The following GMDS variants were observed in gnomAD, a reference collection of about 807,000 sequenced individuals.
GMDS encodes the protein GDP-mannose 4,6 dehydratase.
Under a neutral mutation model 49.9 loss-of-function variants are expected in GMDS, and 20 were observed. The observed-to-expected ratio is 0.40, with a 90% CI of 0.28 to 0.58. GMDS has a LOEUF of 0.58. GMDS is among the 20% of genes least tolerant of loss of function. GMDS has a pLI of 0.42. For synonymous variants in GMDS, 177 were observed against 178.6 expected (o/e 0.99, Z 0.07); for missense variants, 362 against 481.4 (o/e 0.75, Z 2.32).
chr6:2,168,523 A>G (rs1488104520), intron 1 of GMDS, among the ~76,000 whole-genome samples: 1 of 152,330 alleles, frequency 6.6e-6, no homozygotes, highest in East Asian at 1.9e-4. Flanking sequence ...AATAACTAAG[A>G]CAGTGTATTT....
intron 8 of GMDS, among the ~76,000 whole-genome samples, chr6:1,740,821 C>A (rs142517668): frequency 2.2e-4 from 33 of 152,164 alleles, no homozygotes; most frequent in African/African-American, 7.7e-4. Context: ...TTTTCCAACT[C>A]CCCATATTAT....
At chr6:1,810,532 C>T (rs1770373978) in intron 7 of GMDS, among the ~76,000 whole-genome samples, 1 of 152,238 alleles carries the variant, frequency 6.6e-6, no homozygotes, top group South Asian at 2.1e-4. Context: ...ATCCACCTGC[C>T]TCGGCCTCCC....
At chr6:1,781,312 T>C (rs1010894841) in intron 7 of GMDS, among the ~76,000 whole-genome samples, 1 of 152,190 alleles carries the variant, frequency 6.6e-6, no homozygotes, top group Admixed American at 6.5e-5. Context: ...TGGGCTGTGT[T>C]CCTGCTGCTG....
rs115280114 is a variant in GMDS, at chr6:2,190,955, C to T, written c.102+54366G>A. Among the ~76,000 whole-genome samples the T allele has an allele frequency of 5.7e-3, 874 of 152,188 alleles. 2 individuals carry two copies. The highest frequency in any genetic ancestry group is 0.017 in the Middle Eastern group (5 of 294). On this transcript the variant is annotated intron_variant, in intron 1 of 10. Coordinates refer to ENST00000380815, the MANE Select transcript of GMDS (RefSeq NM_001500.4). ...CCCAGGCCTGGAACATCAGTGGCTCCGGACCCTAGCCCCACACCACCACTC... is the reference window on the plus strand; with the variant it reads ...CCCAGGCCTGGAACATCAGTGGCTCTGGACCCTAGCCCCACACCACCACTC...
intron 1 of GMDS, among the ~76,000 whole-genome samples, chr6:2,227,162 G>A (rs948869699): frequency 1.3e-5 from 2 of 151,758 alleles, no homozygotes; most frequent in African/African-American, 4.8e-5. Context: ...CTGAATAAAT[G>A]TTAAGGAAAA....
chr6:1,631,647 C>A (rs1006425772), intron 9 of GMDS, among the ~76,000 whole-genome samples: 2 of 151,994 alleles, frequency 1.3e-5, no homozygotes, highest in African/African-American at 4.8e-5. Flanking sequence ...TTCCTTCCTC[C>A]CTCCCTCCCT....
intron 7 of GMDS, among the ~76,000 whole-genome samples, chr6:1,870,788 T>G (rs561202612): frequency 2.0e-5 from 3 of 152,254 alleles, no homozygotes; most frequent in African/African-American, 7.2e-5. Context: ...TAAGCCATAT[T>G]AAGAGAGTAA....
chr6:1,716,096 C>T (rs565342922), intron 9 of GMDS, among the ~76,000 whole-genome samples: 6 of 152,178 alleles, frequency 3.9e-5, no homozygotes, highest in African/African-American at 7.2e-5. Context: ...TCATTCTCAA[C>T]AAAATCCCTG....
chr6:1,785,776 G>A (rs1333780874), intron 7 of GMDS, among the ~76,000 whole-genome samples: 4 of 152,236 alleles, frequency 2.6e-5, no homozygotes, highest in Admixed American at 6.5e-5. Context: ...CAATGTGGTC[G>A]TATTTAGAGC....
intron 1 of GMDS, among the ~76,000 whole-genome samples, chr6:2,195,967 T>C (rs1370722956): frequency 6.6e-6 from 1 of 152,060 alleles, no homozygotes; most frequent in Non-Finnish European, 1.5e-5. Flanking sequence ...TATACATATA[T>C]AAGTAAATAA....
In GMDS at chr6:1,817,794, G is replaced by T. The variant is rs142877219; in HGVS notation, c.772-75208C>A. On this transcript the variant is annotated intron_variant, in intron 7 of 10. Coordinates refer to ENST00000380815, the MANE Select transcript of GMDS (RefSeq NM_001500.4). Reference sequence around the variant, plus strand: ...ACCTGACTCTCTCAATACTTCAAGGGTCTGCACCCTAGGACGGAGGTAAAA... The same window carrying T: ...ACCTGACTCTCTCAATACTTCAAGGTTCTGCACCCTAGGACGGAGGTAAAA... Among the ~76,000 whole-genome samples, 1,031 of 152,238 alleles carry T rather than the reference G, an allele frequency of 6.8e-3. 10 individuals are homozygous for T. Among genetic ancestry groups the T allele is most frequent in the African/African-American group, 0.024 (984 of 41,526 alleles).
At chr6:1,789,151 G>T (rs1241458220) in intron 7 of GMDS, among the ~76,000 whole-genome samples, 1 of 152,182 alleles carries the variant, frequency 6.6e-6, no homozygotes, top group Non-Finnish European at 1.5e-5. Flanking sequence ...GGTCTGGAAG[G>T]GCCCCAAAGG....
rs181998362 is a variant in GMDS, at chr6:2,060,870, A to C, written c.345+54901T>G. Among the ~76,000 whole-genome samples, 1,055 of 152,196 alleles carry C rather than the reference A, an allele frequency of 6.9e-3. 8 individuals are homozygous for C. The highest frequency in any genetic ancestry group is 0.026 in the South Asian group (126 of 4,800). ...CCCTGTCTCTACCAAAAATACAAAA[A>C]TTAGCCGGGCGTAGTGGCAGGCGCC... On this transcript the variant is annotated intron_variant, in intron 4 of 10. Coordinates refer to ENST00000380815, the MANE Select transcript of GMDS (RefSeq NM_001500.4).
chr6:1,652,454 T>TATAATATATA (rs1428979167), intron 9 of GMDS, among the ~76,000 whole-genome samples: 1 of 11,384 alleles, frequency 8.8e-5, no homozygotes, highest in African/African-American at 3.0e-4. Context: ...TTATATATTA[T>TATAATATATA]TTATATATAA....
intron 7 of GMDS, among the ~76,000 whole-genome samples, chr6:1,783,222 C>A (rs546237717): frequency 1.3e-5 from 2 of 152,216 alleles, no homozygotes; most frequent in African/African-American, 4.8e-5. Context: ...AACTGGGGAG[C>A]TGAATTCTGA....
chr6:2,151,951 A>G (rs1391170860), intron 1 of GMDS, among the ~76,000 whole-genome samples: 1 of 152,150 alleles, frequency 6.6e-6, no homozygotes, highest in Non-Finnish European at 1.5e-5. Context: ...AATAGTTTTA[A>G]GAAACACTGG....
chr6:1,699,455 G>C (rs982933623), intron 9 of GMDS, among the ~76,000 whole-genome samples: 6 of 152,058 alleles, frequency 3.9e-5, no homozygotes, highest in African/African-American at 9.7e-5. Flanking sequence ...GCAGGTGTAG[G>C]GGTTTAAAAC....
chr6:2,071,887 C>T (rs1049555973), intron 4 of GMDS, among the ~76,000 whole-genome samples: 1 of 152,256 alleles, frequency 6.6e-6, no homozygotes, highest in South Asian at 2.1e-4. Flanking sequence ...AAGTTCACAG[C>T]ACATACCTAT....
At chr6:1,926,049 G>C (rs896657013) in intron 7 of GMDS, among the ~76,000 whole-genome samples, 6 of 152,048 alleles carry the variant, frequency 3.9e-5, no homozygotes, top group Non-Finnish European at 1.5e-5. Context: ...CAGCCACTGA[G>C]AGACCCGACT....
Sources: gnomAD v4.1 joint callset for allele counts (sites outside exome capture counted in the v4.1 genomes callset) on GRCh38, gnomAD v4.1.1 for gene constraint, MANE v1.5 for transcripts, NCBI Gene and HGNC (gene_info 2026-07-23, HGNC 2026-07-21) for gene names.